The following TNRC18 variants were observed in gnomAD, a reference collection of about 807,000 sequenced individuals.
TNRC18 encodes trinucleotide repeat-containing gene 18 protein.
TNRC18 carries 69 observed loss-of-function variants against 226.7 expected under a neutral mutation model. That is an observed-to-expected ratio of 0.30 (90% confidence interval 0.25 to 0.37). The LOEUF (loss-of-function observed/expected upper bound fraction) is 0.37, where lower values mean the gene tolerates loss of function less well. TNRC18 is among the 10% of genes least tolerant of loss of function. The pLI, the probability that TNRC18 is intolerant of heterozygous loss-of-function variation, is 1.00. For missense variants in TNRC18, 4,754 were observed against 4,256.6 expected (o/e 1.12, Z -3.25); for synonymous variants, 2,449 against 1,927.6 (o/e 1.27, Z -7.09).
intron 5 of TNRC18, among the ~76,000 whole-genome samples, chr7:5,381,704 G>A (rs546950817): frequency 1.2e-4 from 18 of 152,282 alleles, no homozygotes; most frequent in Non-Finnish European, 2.4e-4. Flanking sequence ...AGTGACTCAC[G>A]CCTGTAATCC....
intron 5 of TNRC18, among the ~76,000 whole-genome samples, chr7:5,384,560 G>A (rs1326587488): frequency 2.0e-5 from 3 of 151,694 alleles, no homozygotes; most frequent in Non-Finnish European, 2.9e-5. Flanking sequence ...CAGCCTCTTG[G>A]GCACAGACAG....
rs1237342087 is a variant in TNRC18 at position 5,421,184 on chromosome 7, G to A, written c.63C>T (p.Ser21=). The change falls in exon 2 of 30, where the codon TCC becomes TCT. Residue 21 remains serine, a synonymous_variant. Coordinates refer to ENST00000430969, the MANE Select transcript of TNRC18 (RefSeq NM_001080495.3). ...CGCGGTGGCTGTCCATGGCCAGGCC[G>A]GACAGCAGCGGCGGCGGGGGACCGT... is the stretch of plus-strand genomic sequence containing the variant. ...SVHGPPPPLL[S]GLAMDSHRVG... is the part of the protein sequence containing the mutation. 10 of 1,384,194 alleles carry A rather than the reference G, an allele frequency of 7.2e-6. No individual in the cohort carries two copies. The highest frequency in any genetic ancestry group is 3.5e-5 in the Admixed American group (1 of 28,800). The allele number at this position is 1,384,194 out of a possible 1,614,324, so 85.7% of individuals were successfully genotyped here.
In TNRC18 at chr7:5,324,535, A is replaced by G. The variant is rs1788702024; in HGVS notation, c.6301-180T>C. 6.6e-6 allele frequency among the ~76,000 whole-genome samples: 1 copy of G among 152,040 alleles called. No homozygotes were observed. Among genetic ancestry groups the G allele is most frequent in the African/African-American group, 2.4e-5 (1 of 41,390 alleles). On this transcript the variant is annotated intron_variant, in intron 20 of 29. Transcript: ENST00000430969. The surrounding 1 kb of genome is among the most constrained non-coding windows in gnomAD (Gnocchi z 4.8). ...CAGGGGGAAGGTGAAATGGGCCCAA[A>G]ACCCAGCTGGCCCATGCTCAGTACT...
chr7:5,355,411 T>C (rs944019624), intron 16 of TNRC18, among the ~76,000 whole-genome samples: 33 of 152,172 alleles, frequency 2.2e-4, no homozygotes, highest in African/African-American at 7.9e-4. Context: ...GAGGATCTCT[T>C]GATCCCAGGA....
Position 5,374,526 on chromosome 7 carries a change from T to TC in TNRC18, c.2800-43dup, listed in dbSNP as rs1408792706. 2.6e-6 allele frequency: 4 copies of TC among 1,516,908 alleles called. No individual in the cohort carries two copies. The African/African-American group carries it at 4.2e-5, about 16-fold the overall frequency. The allele number at this position is 1,516,908 out of a possible 1,614,324, so 94.0% of individuals were successfully genotyped here. On this transcript the variant is annotated intron_variant, in intron 9 of 29. Coordinates refer to ENST00000430969, the MANE Select transcript of TNRC18 (RefSeq NM_001080495.3). The stretch of plus-strand genomic sequence containing the variant: ...AGGCAGGGTCAGCACGGCACGAGTT[T>TC]CCCCCTCCCCGACGCCCGCACCTGC...
rs1293343704 is a variant in TNRC18, at chr7:5,352,039, G to A, written c.5250C>T (p.Gly1750=). Residue 1750 remains glycine, a synonymous_variant, in exon 17 of 30, where the codon GGC becomes GGT. Coordinates refer to ENST00000430969, the MANE Select transcript of TNRC18 (RefSeq NM_001080495.3). ...EFLKDEWPAQ[G]PSSSKLTPSL... ...AAGGCGTCAGTTTGGAGCTGGAGGGGCCTTGGGCGGGCCACTCGTCCTTCA... is the reference window on the plus strand; with the variant it reads ...AAGGCGTCAGTTTGGAGCTGGAGGGACCTTGGGCGGGCCACTCGTCCTTCA... 2 of 1,613,558 alleles carry A rather than the reference G, an allele frequency of 1.2e-6. No individual in the cohort carries two copies. Among genetic ancestry groups the A allele is most frequent in the Non-Finnish European group, 1.7e-6 (2 of 1,179,764 alleles).
chr7:5,408,456 G>A (rs7778113), intron 2 of TNRC18, among the ~76,000 whole-genome samples: 4 of 151,580 alleles, frequency 2.6e-5, no homozygotes, highest in Admixed American at 6.6e-5. Context: ...GAGACCAGCC[G>A]GGCCAACATG....
At position 5,326,727 on chromosome 7, in the gene TNRC18, C is replaced by T. The variant is rs1471226907; in HGVS notation, c.6148-1479G>A. ...GTGGCTGAGGCAGAATCATCACTTG[C>T]ACCCGGTAGGCGGAGGTTGCAGTGA... is the stretch of plus-strand genomic sequence containing the variant. On this transcript the variant is annotated intron_variant, in intron 19 of 29. Coordinates refer to ENST00000430969, the MANE Select transcript of TNRC18 (RefSeq NM_001080495.3). Among the ~76,000 whole-genome samples, 4 of 151,090 alleles carry T rather than the reference C, an allele frequency of 2.6e-5. No homozygotes were observed. In the East Asian group the frequency reaches 5.8e-4, roughly 22 times the overall value.
At chr7:5,320,188 CA>C in intron 24 of TNRC18, 129 bp downstream of exon 24, 1 of 702,730 alleles carries the variant, frequency 1.4e-6, no homozygotes, top group East Asian at 2.7e-5. Context: ...GCCTGAAGGC[CA>C]TACAGTTTTC....
At chr7:5,418,874 G>C (rs770132988) in intron 2 of TNRC18, among the ~76,000 whole-genome samples, 4 of 152,354 alleles carry the variant, frequency 2.6e-5, no homozygotes, top group Admixed American at 6.5e-5. Flanking sequence ...GGATTAGCAC[G>C]GGCTTGGCTC....
chr7:5,345,526 A>ACCACAACCCCC, intron 18 of TNRC18, 36 bp downstream of exon 18: 1 of 177,498 alleles, frequency 5.6e-6, no homozygotes, highest in Non-Finnish European at 1.1e-5. Context: ...CGCCCCTCCC[A>ACCACAACCCCC]CCCACCCCCA....
At chr7:5,398,325 G>A (rs527343501) in intron 2 of TNRC18, among the ~76,000 whole-genome samples, 4 of 151,836 alleles carry the variant, frequency 2.6e-5, no homozygotes, top group Non-Finnish European at 5.9e-5. Flanking sequence ...TATACCCCAC[G>A]ACGCCTGGCT....
rs754518137 is a variant in TNRC18, at chr7:5,351,983, C to A, written c.5306G>T (p.Ser1769Ile). The A allele has an allele frequency of 3.1e-6, 5 of 1,613,980 alleles. No homozygotes were observed. The South Asian group carries it at 4.4e-5, about 14-fold the overall frequency. The change falls in exon 17 of 30, where the codon AGC (serine) becomes ATC (isoleucine). Residue 1769 changes from serine (S) to isoleucine (I), a missense_variant. Physicochemically the swap from Ser to Ile is moderately radical, Grantham distance 142 (BLOSUM62 -2). Coordinates refer to ENST00000430969, the MANE Select transcript of TNRC18 (RefSeq NM_001080495.3). ...SLLCSMVAKN[S>I]KAAGGPKLTK... ...CAGCTTGGGGCCACCAGCTGCCTTG[C>A]TGTTCTTTGCCACCATGCTACACAG... is the stretch of plus-strand genomic sequence containing the variant.
chr7:5,327,689 GTTTC>G (rs2128122449), intron 19 of TNRC18, among the ~76,000 whole-genome samples: 1 of 152,090 alleles, frequency 6.6e-6, no homozygotes, highest in Admixed American at 6.6e-5. Context: ...GCCAGTAACT[GTTTC>G]TTTCCCTTTG....
chr7:5,355,723 T>A (rs1042794808), intron 16 of TNRC18, among the ~76,000 whole-genome samples: 3 of 151,546 alleles, frequency 2.0e-5, no homozygotes, highest in Admixed American at 2.0e-4. Context: ...TACAAAAAAT[T>A]TTAAAAATTA....
intron 2 of TNRC18, among the ~76,000 whole-genome samples, chr7:5,395,416 T>C (rs1257821808): frequency 6.6e-6 from 1 of 151,836 alleles, no homozygotes; most frequent in Non-Finnish European, 1.5e-5. Flanking sequence ...AGGGCCTGGG[T>C]GGAAGCCACA....
chr7:5,379,548 C>A (rs1319272576), intron 5 of TNRC18, among the ~76,000 whole-genome samples: 1 of 152,258 alleles, frequency 6.6e-6, no homozygotes, highest in Non-Finnish European at 1.5e-5. Context: ...AGTCCCAGGC[C>A]TGGCACATGG....
intron 2 of TNRC18, among the ~76,000 whole-genome samples, chr7:5,396,161 A>G (rs921015133): frequency 6.6e-5 from 8 of 120,566 alleles, no homozygotes; most frequent in African/African-American, 2.7e-4. Context: ...ACAGAGAGAG[A>G]CTCTGTCTCA....
intron 18 of TNRC18, among the ~76,000 whole-genome samples, chr7:5,343,075 C>T (rs1227786668): frequency 6.6e-6 from 1 of 152,166 alleles, no homozygotes; most frequent in Non-Finnish European, 1.5e-5. Context: ...CTATTACGTC[C>T]AGGCGCGGTG....
Sources: gnomAD v4.1 joint callset for allele counts (sites outside exome capture counted in the v4.1 genomes callset) on GRCh38, gnomAD v4.1.1 for gene constraint, Gnocchi (gnomAD v3.1) non-coding constraint, MANE v1.5 for transcripts, NCBI Gene and HGNC (gene_info 2026-07-23, HGNC 2026-07-21) for gene names.